L1CAM: variants seen among roughly 807,000 people sequenced by gnomAD.
The protein encoded by L1CAM is L1 cell adhesion molecule.
In L1CAM, 8 loss-of-function variants were observed where a neutral mutation model predicts 93.0. The ratio of observed to expected loss-of-function variants is 0.09; its 90% CI spans 0.05 to 0.16. The LOEUF is 0.16. Ranked by LOEUF, L1CAM falls within the 10% of genes least tolerant of loss-of-function variation. L1CAM has a pLI of 1.00. For missense variants in L1CAM, 777 were observed against 1,073.4 expected, an observed-to-expected ratio of 0.72 and a Z score of 3.86; for synonymous variants, 453 against 453.0, an observed-to-expected ratio of 1.00 and a Z score of 0.00.
intron 19 of L1CAM, 189 bp from the exon 20 acceptor site, chrX:153,866,008 G>A: frequency 4.6e-6 from 2 of 437,848 alleles, no homozygotes; most frequent in Non-Finnish European, 8.1e-6. Flanking sequence ...GGTGAAAATA[G>A]TAGCTTATAC....
chrX:153,866,303 A>C (rs2064711926), intron 19 of L1CAM, among the ~76,000 whole-genome samples: 1 of 95,644 alleles, frequency 1.0e-5, no homozygotes. Flanking sequence ...ACAGAGCAAG[A>C]CTCCATCTCA....
At position 153,885,826 on chromosome X, in the gene L1CAM, GCAGGTTACC is replaced by G. The variant is rs781936704; in HGVS notation, c.-109+230_-109+238del. 9.5e-5 allele frequency: 79 copies of G among 831,494 alleles called. No individual in the cohort carries two copies. In the African/African-American group the frequency reaches 1.7e-3, roughly 18 times the overall value. 68.5% of individuals were successfully genotyped at this position (831,494 alleles called of 1,213,427 possible). A position where few individuals can be genotyped will look rare whatever the true frequency, so the allele number is the denominator to read the frequency against. Reference sequence around the variant, plus strand: ...CGCCCAGGCCAGCATCTGGGGCCCCGCAGGTTACCCCTCACCTGTCGGGCTCGGGCACCC... The same window carrying G: ...CGCCCAGGCCAGCATCTGGGGCCCCGCCTCACCTGTCGGGCTCGGGCACCC... On this transcript the variant is annotated intron_variant, in intron 1 of 28. Coordinates refer to ENST00000370060, the MANE Select transcript of L1CAM (RefSeq NM_001278116.2).
chrX:153,883,632 AC>A, intron 1 of L1CAM: 2 of 287,616 alleles, frequency 7.0e-6, no homozygotes, highest in African/African-American at 2.8e-5. Flanking sequence ...GGGCATCCAG[AC>A]CCCCCGCCTC....
chrX:153,868,743 C>A lies in L1CAM; in HGVS notation c.1380-16G>T. The A allele has an allele frequency of 8.3e-7, 1 of 1,211,302 alleles. No homozygotes were observed. ...CTCGTCCAGCCTGGAGGGAGCAGGG[C>A]GGGCCTGGCTCTGACTGGCTGGCCT... On this transcript the variant is annotated splice_polypyrimidine_tract_variant and intron_variant, in intron 12 of 28. Transcript: ENST00000370060.
intron 20 of L1CAM, 26 bp from the exon 21 acceptor site, chrX:153,865,526 C>A: frequency 1.7e-6 from 2 of 1,190,678 alleles, no homozygotes; most frequent in Non-Finnish European, 1.1e-6. Context: ...GGAGACCTCG[C>A]AGGGGCAGAA....
At chrX:153,873,264 C>T (rs2064788708) in intron 2 of L1CAM, 22 bp from the exon 3 acceptor site, 1 of 1,205,534 alleles carries the variant, frequency 8.3e-7, no homozygotes, top group Non-Finnish European at 1.1e-6. Flanking sequence ...AGGCAGGCAG[C>T]AAGGGAGGGA....
chrX:153,880,854 C>T (rs782672875), intron 1 of L1CAM: 2 of 253,711 alleles, frequency 7.9e-6, no homozygotes, highest in South Asian at 3.8e-5. Flanking sequence ...GCACTCCCAA[C>T]CTCACCCCTC....
At chrX:153,882,467 C>T (rs189554955) in intron 1 of L1CAM, among the ~76,000 whole-genome samples, 1 of 109,715 alleles carries the variant, frequency 9.1e-6, no homozygotes, top group Non-Finnish European at 1.9e-5. Context: ...CGAACACACA[C>T]ACACATGCAA....
intron 28 of L1CAM, 133 bp from the exon 29 acceptor site, chrX:153,863,027 C>G (rs2064677739): frequency 1.9e-6 from 1 of 518,023 alleles, no homozygotes; most frequent in South Asian, 3.0e-5. Context: ...TCTGGCCACC[C>G]TGGCAGGCAG....
chrX:153,866,698 C>G lies in L1CAM; in HGVS notation c.2382G>C (p.Gln794His), dbSNP rs1557090969. ...YEIKVQAVNSQGKGPEPQVTI... is the reference protein window; with the variant it reads ...YEIKVQAVNSHGKGPEPQVTI... ...TGACCTGGGGCTCTGGTCCCTTGCC[C>G]TGGCTGTTGACGGCCTGGACTTTGA... is the stretch of plus-strand genomic sequence containing the variant. Residue 794 changes from glutamine (Q) to histidine (H), a missense_variant, in exon 19 of 29, where the codon CAG (glutamine) becomes CAC (histidine). This residue lies in a region of L1CAM where 574 missense variants were observed against 781.0 expected (regional missense o/e 0.73). Coordinates refer to ENST00000370060, the MANE Select transcript of L1CAM (RefSeq NM_001278116.2). The G allele has an allele frequency of 3.3e-6, 4 of 1,211,788 alleles. No individual in the cohort carries two copies. The highest frequency in any genetic ancestry group is 4.5e-6 in the Non-Finnish European group (4 of 895,423).
At chrX:153,869,188 C>A in intron 11 of L1CAM, 1 of 451,137 alleles carries the variant, frequency 2.2e-6, no homozygotes, top group Non-Finnish European at 3.9e-6. Context: ...CCAGGCCTAA[C>A]TGACAGTCAC....
Position 153,867,792 on chromosome X carries a change from C to G in L1CAM, c.1939+8G>C. On this transcript the variant is annotated splice_region_variant and intron_variant, in intron 16 of 28. Transcript: ENST00000370060. ...ACGGTGGGGTGGCACTGAGCTCAAGCCTCTTACTCTCAATGGGGGCATTGT... is the reference window on the plus strand; with the variant it reads ...ACGGTGGGGTGGCACTGAGCTCAAGGCTCTTACTCTCAATGGGGGCATTGT... The G allele has an allele frequency of 8.3e-7, 1 of 1,198,713 alleles. No individual in the cohort carries two copies. Among genetic ancestry groups the G allele is most frequent in the Non-Finnish European group, 1.1e-6 (1 of 884,368 alleles).
At chrX:153,875,218 C>T (rs192884540) in intron 2 of L1CAM, among the ~76,000 whole-genome samples, 177 of 111,618 alleles carry the variant, frequency 1.6e-3, no homozygotes, top group African/African-American at 5.5e-3. Flanking sequence ...AAAAAAGGGT[C>T]CAGAAGGCTG....
intron 1 of L1CAM, among the ~76,000 whole-genome samples, chrX:153,877,123 C>T (rs2064818661): frequency 9.4e-6 from 1 of 106,727 alleles, no homozygotes; most frequent in Non-Finnish European, 1.9e-5. Flanking sequence ...GCCAGGCCAA[C>T]ATGGTGAAAC....
chrX:153,866,562 GCAC>G, intron 19 of L1CAM, 84 bp downstream of exon 19: 1 of 642,712 alleles, frequency 1.6e-6, no homozygotes, highest in Non-Finnish European at 2.5e-6. Context: ...TAGGAAAGGC[GCAC>G]ACCAATGCTG....
chrX:153,873,120 C>T (rs2064787174), intron 3 of L1CAM, 108 bp downstream of exon 3: 6 of 776,773 alleles, frequency 7.7e-6, no homozygotes, highest in Admixed American at 2.2e-5. Context: ...CAGGGAGAGC[C>T]GAGCAGGGCC....
intron 10 of L1CAM, 59 bp from the exon 11 acceptor site, chrX:153,869,722 C>T (rs2064749859): frequency 5.8e-6 from 7 of 1,200,433 alleles, no homozygotes; most frequent in Non-Finnish European, 7.9e-6. Context: ...GCGTTGAGGC[C>T]CTTCCTCACC....
chrX:153,867,076 G>A lies in L1CAM; in HGVS notation c.2186C>T (p.Thr729Ile). ...VDVKGEGNET[T>I]NMVITWKPLR... ...CACCTTCCACGTGATGACCATATTGGTGGTCTCATTTCCTTCCCCCTTCAC... is the reference window on the plus strand; with the variant it reads ...CACCTTCCACGTGATGACCATATTGATGGTCTCATTTCCTTCCCCCTTCAC... Residue 729 changes from threonine (T) to isoleucine (I), a missense_variant, in exon 18 of 29, where the codon ACC becomes ATC. Physicochemically the swap from Thr to Ile is moderately conservative, Grantham distance 89. Around this residue, in one of 5 missense-constraint regions of L1CAM, gnomAD observed 574 missense variants for 781.0 expected, o/e 0.73. Coordinates refer to ENST00000370060, the MANE Select transcript of L1CAM (RefSeq NM_001278116.2). 1 of 1,210,533 alleles carries A rather than the reference G, an allele frequency of 8.3e-7. No individual in the cohort carries two copies.
At chrX:153,875,724 G>A in intron 2 of L1CAM, 37 bp downstream of exon 2, 1 of 1,137,808 alleles carries the variant, frequency 8.8e-7, no homozygotes, top group South Asian at 1.8e-5. Flanking sequence ...CAACATAGCG[G>A]CGAAGGTAGG....
Sources: allele counts gnomAD v4.1 joint callset (sites outside exome capture counted in the v4.1 genomes callset), GRCh38; gene constraint gnomAD v4.1.1; regional missense constraint gnomAD v4.1.1; transcripts MANE v1.5; gene names NCBI Gene and HGNC (gene_info 2026-07-23, HGNC 2026-07-21).